EML6: variants seen among roughly 807,000 people sequenced by gnomAD.
The protein encoded by EML6 is EMAP like 6, also known as echinoderm microtubule-associated protein-like 6.
Under a neutral mutation model 240.1 loss-of-function variants are expected in EML6, and 154 were observed. The ratio of observed to expected loss-of-function variants is 0.64; its 90% CI spans 0.56 to 0.73. The LOEUF (loss-of-function observed/expected upper bound fraction) is 0.73, where lower values mean the gene tolerates loss of function less well. Ranked by LOEUF, EML6 falls within the 30% of genes least tolerant of loss-of-function variation. EML6 has a pLI of 0.00. For missense variants in EML6, 2,964 were observed against 2,474.6 expected (o/e 1.20, Z -4.20); for synonymous variants, 1,148 against 899.0 (o/e 1.28, Z -4.95).
Position 54,850,173 on chromosome 2 carries a change from C to G in EML6, c.1399C>G (p.Gln467Glu). 6.4e-7 allele frequency: 1 copy of G among 1,551,602 alleles called. No homozygotes were observed. Among genetic ancestry groups the G allele is most frequent in the Non-Finnish European group, 8.7e-7 (1 of 1,146,832 alleles). The stretch of plus-strand genomic sequence containing the variant: ...CTGGTCCTTGGATAGTAAATACTTA[C>G]AAACTAATGACGGTGCAGGAGAACG... ...IDWSLDSKYL[Q>E]TNDGAGERLF... The change falls in exon 10 of 42, where the codon CAA becomes GAA. Residue 467 changes from glutamine (Q) to glutamate (E), a missense_variant. Coordinates refer to ENST00000356458, the MANE Select transcript of EML6 (RefSeq NM_001039753.4).
intron 10 of EML6, among the ~76,000 whole-genome samples, chr2:54,851,829 G>A (rs937449538): frequency 6.6e-6 from 1 of 152,168 alleles, no homozygotes; most frequent in African/African-American, 2.4e-5. Context: ...TCTGCAGCAG[G>A]GTTAGAAATG....
intron 2 of EML6, among the ~76,000 whole-genome samples, chr2:54,771,245 G>A (rs1018093666): frequency 1.3e-5 from 2 of 152,106 alleles, no homozygotes; most frequent in Admixed American, 1.3e-4. Context: ...CCTTTAACCT[G>A]GACTGGCTAG....
intron 2 of EML6, among the ~76,000 whole-genome samples, chr2:54,810,512 G>A (rs1667781601): frequency 6.6e-6 from 1 of 152,168 alleles, no homozygotes; most frequent in Non-Finnish European, 1.5e-5. Flanking sequence ...AGAATCTCAA[G>A]AATCTAACAA....
At chr2:54,871,229 CA>C (rs1671239864) in intron 15 of EML6, among the ~76,000 whole-genome samples, 1 of 152,174 alleles carries the variant, frequency 6.6e-6, no homozygotes, top group South Asian at 2.1e-4. Context: ...AAAAACAAGG[CA>C]CAGTGGACAT....
chr2:54,894,869 G>A, intron 19 of EML6, 46 bp from the exon 20 acceptor site: 1 of 1,350,458 alleles, frequency 7.4e-7, no homozygotes, highest in Admixed American at 2.0e-5. Flanking sequence ...GTGGGTAATT[G>A]GTCATTTTGA....
chr2:54,922,960 AGAGG>A (rs1674340527), intron 26 of EML6, among the ~76,000 whole-genome samples: 1 of 49,866 alleles, frequency 2.0e-5, no homozygotes, highest in South Asian at 6.3e-4. Context: ...TTTTTTTTTG[AGAGG>A]GAGTTTTGTT....
At chr2:54,863,523 TATAA>T (rs1670795165) in intron 12 of EML6, among the ~76,000 whole-genome samples, 2 of 152,002 alleles carry the variant, frequency 1.3e-5, no homozygotes, top group African/African-American at 4.8e-5. Flanking sequence ...TCAAAAAAAG[TATAA>T]ATGAGTTTAG....
intron 13 of EML6, among the ~76,000 whole-genome samples, chr2:54,864,319 A>T (rs1353703155): frequency 1.3e-5 from 2 of 152,204 alleles, no homozygotes; most frequent in Admixed American, 6.5e-5. Flanking sequence ...CTATTAACTT[A>T]CTGCAACCAT....
intron 21 of EML6, among the ~76,000 whole-genome samples, chr2:54,897,642 A>G (rs1174193277): frequency 6.6e-6 from 1 of 151,516 alleles, no homozygotes; most frequent in Non-Finnish European, 1.5e-5. Context: ...TGGAAGCTTC[A>G]GACCAGATGT....
At chr2:54,781,822 G>T (rs1668869217) in intron 2 of EML6, among the ~76,000 whole-genome samples, 1 of 151,990 alleles carries the variant, frequency 6.6e-6, no homozygotes, top group Non-Finnish European at 1.5e-5. Context: ...GGCACATGCT[G>T]CCACGTCCCA....
chr2:54,804,119 A>G (rs1422118089), intron 2 of EML6, among the ~76,000 whole-genome samples: 1 of 152,246 alleles, frequency 6.6e-6, no homozygotes, highest in Non-Finnish European at 1.5e-5. Flanking sequence ...GAAAGGTAGA[A>G]TGCTCCAGGA....
At chr2:54,846,046 G>C (rs1295226727) in intron 8 of EML6, among the ~76,000 whole-genome samples, 1 of 152,184 alleles carries the variant, frequency 6.6e-6, no homozygotes, top group African/African-American at 2.4e-5. Context: ...CTGGATTTAG[G>C]TGTTGTGGGG....
At position 54,881,356 on chromosome 2, in the gene EML6, A is replaced by T. The variant is rs1368903919; in HGVS notation, c.2438+1716A>T. ...GCCTTAGAGTGCTTAAGTAGATAGA[A>T]ACTTTTAAAAACAGGAGGCCGGGCA... On this transcript the variant is annotated intron_variant, in intron 17 of 41. Transcript: ENST00000356458. 38 of 152,170 alleles carry T rather than the reference A, an allele frequency of 2.5e-4. 1 individual carries two copies. The highest frequency in any genetic ancestry group is 2.5e-3 in the Admixed American group (38 of 15,276). The allele number at this position is 152,170 out of a possible 1,614,324, so 9.4% of individuals were successfully genotyped here.
intron 7 of EML6, among the ~76,000 whole-genome samples, chr2:54,834,971 C>T (rs902304171): frequency 2.0e-5 from 3 of 152,214 alleles, no homozygotes; most frequent in Non-Finnish European, 2.9e-5. Flanking sequence ...ATTCATCTTA[C>T]CCACAGTCAA....
At chr2:54,873,880 AG>A (rs1302600442) in intron 16 of EML6, among the ~76,000 whole-genome samples, 1 of 147,176 alleles carries the variant, frequency 6.8e-6, no homozygotes, top group Admixed American at 6.9e-5. Context: ...CAAAATGACA[AG>A]TATGAAGATT....
Position 54,847,360 on chromosome 2 carries a change from C to G in EML6, c.1050-126C>G, listed in dbSNP as rs954781572. 9.6e-6 allele frequency: 9 copies of G among 936,230 alleles called. No homozygotes were observed. In the African/African-American group the frequency reaches 1.3e-4, roughly 14 times the overall value. 58.0% of individuals were successfully genotyped at this position (936,230 alleles called of 1,614,324 possible). On this transcript the variant is annotated intron_variant, in intron 8 of 41. Transcript: ENST00000356458. ...CGCTGACAGGCCATGATAAAGGGCT[C>G]TGGTGTGAAGTTCCTATGTCTTTTC...
In EML6 at chr2:54,928,415, G is replaced by A. The variant is rs1011905947; in HGVS notation, c.3778G>A (p.Asp1260Asn). ...TGTGCTGCTCACGGTGGGCGGCGCC[G>A]ACACAGCCCTGATGATCTGGACCAG... is the stretch of plus-strand genomic sequence containing the variant. ...DSVLLTVGGA[D>N]TALMIWTREF... The change falls in exon 27 of 42, where the codon GAC becomes AAC. Residue 1260 changes from aspartate to asparagine, a missense_variant. Physicochemically the swap from Asp to Asn is conservative, Grantham distance 23 (BLOSUM62 1). Coordinates refer to ENST00000356458, the MANE Select transcript of EML6 (RefSeq NM_001039753.4). 9.0e-6 allele frequency: 14 copies of A among 1,549,076 alleles called. No homozygotes were observed. The highest frequency in any genetic ancestry group is 2.8e-5 in the African/African-American group (2 of 72,390).
chr2:54,938,003 C>G (rs1274746415), intron 28 of EML6, among the ~76,000 whole-genome samples: 1 of 152,186 alleles, frequency 6.6e-6, no homozygotes, highest in Non-Finnish European at 1.5e-5. Flanking sequence ...GCTTCGTCCT[C>G]ACAGGACAGT....
intron 17 of EML6, among the ~76,000 whole-genome samples, chr2:54,888,259 T>C (rs1672264068): frequency 6.6e-6 from 1 of 152,212 alleles, no homozygotes; most frequent in African/African-American, 2.4e-5. Context: ...GATCATGCCA[T>C]GAGGTGTGTA....
Sources: gnomAD v4.1 joint callset for allele counts (sites outside exome capture counted in the v4.1 genomes callset) on GRCh38, gnomAD v4.1.1 for gene constraint, MANE v1.5 for transcripts, NCBI Gene and HGNC (gene_info 2026-07-23, HGNC 2026-07-21) for gene names.